Variants in GLG1 observed in about 807,000 individuals in gnomAD.
The protein encoded by GLG1 is golgi glycoprotein 1, also known as Golgi apparatus protein 1.
Under a neutral mutation model 160.5 loss-of-function variants are expected in GLG1, and 38 were observed. That is an observed-to-expected ratio of 0.24 (90% confidence interval 0.18 to 0.31). The LOEUF is 0.31. Among genes scored for constraint, GLG1 ranks in the 10% least tolerant of loss-of-function variants. The pLI is 1.00. For missense variants in GLG1, 1,373 were observed against 1,505.2 expected (o/e 0.91, Z 1.45); for synonymous variants, 644 against 543.4 (o/e 1.19, Z -2.57).
intron 1 of GLG1, among the ~76,000 whole-genome samples, chr16:74,592,469 T>C (rs1298617913): frequency 2.6e-5 from 4 of 152,160 alleles, no homozygotes; most frequent in African/African-American, 9.7e-5. Flanking sequence ...TCCAAAGCTT[T>C]ATGGAAGAAG....
intron 12 of GLG1, 148 bp downstream of exon 12, chr16:74,477,248 A>C: frequency 1.4e-6 from 1 of 699,058 alleles, no homozygotes. Flanking sequence ...TTTCCTGAGA[A>C]TTTCTTCCAG....
At chr16:74,525,874 G>A (rs1252403931) in intron 2 of GLG1, among the ~76,000 whole-genome samples, 2 of 151,910 alleles carry the variant, frequency 1.3e-5, no homozygotes, top group African/African-American at 2.4e-5. Flanking sequence ...CAAGTTATCT[G>A]GTCAGGCGCA....
intron 1 of GLG1, among the ~76,000 whole-genome samples, chr16:74,585,067 A>C (rs1958016986): frequency 6.6e-6 from 1 of 152,196 alleles, no homozygotes; most frequent in African/African-American, 2.4e-5. Context: ...TGAAATAAAA[A>C]AAATTTTTAA....
intron 1 of GLG1, among the ~76,000 whole-genome samples, chr16:74,533,734 T>C (rs1458680778): frequency 2.0e-5 from 3 of 152,178 alleles, no homozygotes; most frequent in South Asian, 2.1e-4. Context: ...TGATCTGAGA[T>C]TGTGTCATTG....
intron 2 of GLG1, among the ~76,000 whole-genome samples, chr16:74,528,810 T>TC (rs1450595963): frequency 9.1e-4 from 9 of 9,894 alleles, no homozygotes; most frequent in Admixed American, 4.1e-3. Flanking sequence ...AGATTCTGTC[T>TC]CAAAAAAAAA....
chr16:74,569,542 G>A, intron 1 of GLG1, among the ~76,000 whole-genome samples: 1 of 151,984 alleles, frequency 6.6e-6, no homozygotes, highest in East Asian at 1.9e-4. Flanking sequence ...ATTATTTCTA[G>A]TTCTCATATT....
chr16:74,528,482 GTTTTCT>G (rs919684345), intron 2 of GLG1, among the ~76,000 whole-genome samples: 5 of 151,886 alleles, frequency 3.3e-5, no homozygotes, highest in Non-Finnish European at 5.9e-5. Flanking sequence ...TGCTTGTTGA[GTTTTCT>G]TTTTATCTTT....
At chr16:74,539,797 A>G (rs1475359986) in intron 1 of GLG1, among the ~76,000 whole-genome samples, 1 of 147,120 alleles carries the variant, frequency 6.8e-6, no homozygotes. Flanking sequence ...TCTGCCCCAA[A>G]CTTTACTTTG....
chr16:74,603,016 G>A (rs1032541080), intron 1 of GLG1, among the ~76,000 whole-genome samples: 2 of 151,914 alleles, frequency 1.3e-5, no homozygotes, highest in African/African-American at 4.8e-5. Context: ...CTTGAACCCA[G>A]AAGGCAGAGG....
chr16:74,465,160 T>G (rs1023533247), intron 19 of GLG1, among the ~76,000 whole-genome samples: 4 of 152,126 alleles, frequency 2.6e-5, no homozygotes, highest in Admixed American at 6.5e-5. Context: ...TTAATGTATG[T>G]GTGGCGAGAT....
intron 1 of GLG1, among the ~76,000 whole-genome samples, chr16:74,569,895 G>A (rs1207765880): frequency 1.3e-5 from 2 of 149,796 alleles, no homozygotes; most frequent in African/African-American, 2.5e-5. Context: ...AAAAAGCAAC[G>A]GTTTTGGCCG....
intron 1 of GLG1, among the ~76,000 whole-genome samples, chr16:74,544,447 C>T (rs910640715): frequency 6.6e-6 from 1 of 152,130 alleles, no homozygotes; most frequent in African/African-American, 2.4e-5. Flanking sequence ...GAATCTCCTG[C>T]ACATGCAGGC....
At chr16:74,569,342 A>T (rs1312920471) in intron 1 of GLG1, among the ~76,000 whole-genome samples, 6 of 152,218 alleles carry the variant, frequency 3.9e-5, no homozygotes, top group Non-Finnish European at 7.3e-5. Context: ...AAAGGCAAAG[A>T]AACTTTAATA....
chr16:74,472,154 G>A (rs2015230332), intron 14 of GLG1, among the ~76,000 whole-genome samples, 195 bp downstream of exon 14: 2 of 152,054 alleles, frequency 1.3e-5, no homozygotes, highest in Admixed American at 1.3e-4. Context: ...GCTCCTCCTT[G>A]GCTTCAAAGT....
At position 74,503,555 on chromosome 16, in the gene GLG1, A is replaced by G. The variant is rs2143458043; in HGVS notation, c.750T>C (p.Cys250=). Reference sequence around the variant, plus strand: ...CCTTTTCTCCAAGCCGAATACTGCCACATTTCAGAATGTTGATGTCATTTT... The same window carrying G: ...CCTTTTCTCCAAGCCGAATACTGCCGCATTTCAGAATGTTGATGTCATTTT... ...DCKNDINILK[C]GSIRLGEKDA... The change falls in exon 4 of 26, where the codon TGT becomes TGC. Residue 250 remains cysteine, a synonymous_variant. Transcript: ENST00000422840. 1 of 1,612,554 alleles carries G rather than the reference A, an allele frequency of 6.2e-7. No individual in the cohort carries two copies. Among genetic ancestry groups the G allele is most frequent in the Non-Finnish European group, 8.5e-7 (1 of 1,178,590 alleles).
chr16:74,486,870 T>C (rs1335235140), intron 8 of GLG1, among the ~76,000 whole-genome samples: 2 of 152,114 alleles, frequency 1.3e-5, no homozygotes, highest in Non-Finnish European at 2.9e-5. Flanking sequence ...TGAAAGATGA[T>C]TATTACTACA....
chr16:74,557,068 T>A (rs188390381), intron 1 of GLG1, among the ~76,000 whole-genome samples: 24 of 152,270 alleles, frequency 1.6e-4, no homozygotes, highest in Non-Finnish European at 3.2e-4. Flanking sequence ...TCTTTATATT[T>A]TTGCATCTGA....
At chr16:74,573,939 G>A (rs989487707) in intron 1 of GLG1, among the ~76,000 whole-genome samples, 3 of 151,764 alleles carry the variant, frequency 2.0e-5, no homozygotes, top group Admixed American at 6.6e-5. Context: ...GATTACAGGC[G>A]CACACCACTA....
At chr16:74,524,506 T>C (rs1242779502) in intron 2 of GLG1, among the ~76,000 whole-genome samples, 1 of 152,138 alleles carries the variant, frequency 6.6e-6, no homozygotes, top group East Asian at 1.9e-4. Flanking sequence ...AGAATTATGG[T>C]ATTTTAAGAT....
Sources: allele counts gnomAD v4.1 joint callset (sites outside exome capture counted in the v4.1 genomes callset), GRCh38; gene constraint gnomAD v4.1.1; transcripts MANE v1.5; gene names NCBI Gene and HGNC (gene_info 2026-07-23, HGNC 2026-07-21).